SLC9C2: variants seen among roughly 807,000 people sequenced by gnomAD.
The protein encoded by SLC9C2 is solute carrier family 9 member C2 (putative).
In SLC9C2, 75 loss-of-function variants were observed where a neutral mutation model predicts 140.2. The ratio of observed to expected loss-of-function variants is 0.53; its 90% CI spans 0.44 to 0.65. The LOEUF is 0.65. Among genes scored for constraint, SLC9C2 ranks in the 30% least tolerant of loss-of-function variants. SLC9C2 has a pLI of 0.00. For missense variants in SLC9C2, 1,074 were observed against 1,331.8 expected, an observed-to-expected ratio of 0.81 and a Z score of 3.01; for synonymous variants, 375 against 420.9, an observed-to-expected ratio of 0.89 and a Z score of 1.34.
At chr1:173,560,161 C>T (rs1297380379) in intron 9 of SLC9C2, among the ~76,000 whole-genome samples, 1 of 152,190 alleles carries the variant, frequency 6.6e-6, no homozygotes, top group Non-Finnish European at 1.5e-5. Flanking sequence ...ATCATAAAAT[C>T]TTAATCCTTT....
At chr1:173,551,237 A>G (rs892550893) in intron 11 of SLC9C2, among the ~76,000 whole-genome samples, 2 of 152,192 alleles carry the variant, frequency 1.3e-5, no homozygotes, top group African/African-American at 4.8e-5. Context: ...ATGCTCTATG[A>G]GAAACCTTTT....
At chr1:173,520,580 A>G (rs1660735879) in intron 22 of SLC9C2, among the ~76,000 whole-genome samples, 1 of 152,224 alleles carries the variant, frequency 6.6e-6, no homozygotes, top group Admixed American at 6.5e-5. Flanking sequence ...GTAATGAAGC[A>G]AACATTTTGT....
intron 1 of SLC9C2, 26 bp downstream of exon 1, chr1:173,602,725 T>C (rs1405227021): frequency 3.3e-5 from 5 of 152,240 alleles, no homozygotes; most frequent in African/African-American, 1.2e-4. Flanking sequence ...GTTCCTCAAG[T>C]ATCTCCAATA....
intron 3 of SLC9C2, 97 bp downstream of exon 3, chr1:173,600,020 T>C (rs927194486): frequency 1.3e-5 from 10 of 745,060 alleles, no homozygotes; most frequent in Non-Finnish European, 2.1e-5. Context: ...GCTGTTCCCA[T>C]AAGAAAAAAC....
intron 4 of SLC9C2, 72 bp from the exon 5 acceptor site, chr1:173,587,902 TA>T: frequency 1.7e-6 from 2 of 1,189,302 alleles, no homozygotes; most frequent in Non-Finnish European, 2.4e-6. Context: ...ACTTATATCC[TA>T]AGAGTCAGAT....
chr1:173,601,792 T>A lies in SLC9C2; in HGVS notation c.-16A>T. On this transcript the variant is annotated 5_prime_UTR_variant, in exon 2 of 28. Coordinates refer to ENST00000367714, the MANE Select transcript of SLC9C2 (RefSeq NM_178527.4). ...AAGAACTCATTTTTGCTGCTGCTTT[T>A]CCCCAGACCTAACTTGATGGAGTGG... 1.2e-6 allele frequency: 2 copies of A among 1,613,654 alleles called. No homozygotes were observed. The highest frequency in any genetic ancestry group is 1.7e-6 in the Non-Finnish European group (2 of 1,179,738).
intron 9 of SLC9C2, among the ~76,000 whole-genome samples, chr1:173,571,319 T>C (rs141646249): frequency 9.9e-5 from 15 of 152,256 alleles, no homozygotes; most frequent in African/African-American, 3.4e-4. Flanking sequence ...TACCTATCTA[T>C]CCTCATCTCC....
At chr1:173,566,177 G>A (rs1041666938) in intron 9 of SLC9C2, among the ~76,000 whole-genome samples, 1 of 151,972 alleles carries the variant, frequency 6.6e-6, no homozygotes, top group Non-Finnish European at 1.5e-5. Flanking sequence ...TTGGTATCAG[G>A]GTAATACTGA....
rs141344858 is a variant in SLC9C2, at chr1:173,524,631, C to T, written c.2514+148G>A. On this transcript the variant is annotated intron_variant, in intron 20 of 27. Transcript: ENST00000367714. ...GAGTGTACCGGATTGCATCGGCATTCGTTGTCCTTTGCATTATCAAAGGCT... is the reference window on the plus strand; with the variant it reads ...GAGTGTACCGGATTGCATCGGCATTTGTTGTCCTTTGCATTATCAAAGGCT... 1,627 of 813,130 alleles carry T rather than the reference C, an allele frequency of 2.0e-3. 23 individuals carry two copies. Among genetic ancestry groups the T allele is most frequent in the Admixed American group, 7.6e-4 (28 of 36,740 alleles). 50.4% of individuals were successfully genotyped at this position (813,130 alleles called of 1,614,324 possible).
At chr1:173,554,670 C>G (rs1384666947) in intron 11 of SLC9C2, 63 bp downstream of exon 11, 1 of 1,037,466 alleles carries the variant, frequency 9.6e-7, no homozygotes, top group Admixed American at 1.9e-5. Context: ...CCCCATGACA[C>G]CCAACAATAA....
intron 13 of SLC9C2, among the ~76,000 whole-genome samples, chr1:173,541,826 A>G (rs1379707306): frequency 6.6e-6 from 1 of 152,250 alleles, no homozygotes; most frequent in Non-Finnish European, 1.5e-5. Context: ...ACAAAGACAC[A>G]ACATACCAGA....
At chr1:173,587,125 C>A (rs1031180298) in intron 5 of SLC9C2, among the ~76,000 whole-genome samples, 1 of 152,028 alleles carries the variant, frequency 6.6e-6, no homozygotes, top group African/African-American at 2.4e-5. Context: ...ACTCCAAATC[C>A]TCTTGGGAAT....
At chr1:173,518,874 T>G (rs1399144045) in intron 22 of SLC9C2, among the ~76,000 whole-genome samples, 6 of 152,194 alleles carry the variant, frequency 3.9e-5, no homozygotes, top group Admixed American at 3.3e-4. Context: ...GAAAAGATGA[T>G]GGCATTTGAG....
At chr1:173,559,280 C>A (rs1199593298) in intron 9 of SLC9C2, among the ~76,000 whole-genome samples, 2 of 152,172 alleles carry the variant, frequency 1.3e-5, no homozygotes, top group Non-Finnish European at 2.9e-5. Flanking sequence ...CCAAGATGCT[C>A]CCCCTGCCCT....
chr1:173,558,015 T>A (rs1322550824), intron 9 of SLC9C2, among the ~76,000 whole-genome samples: 1 of 152,236 alleles, frequency 6.6e-6, no homozygotes, highest in Non-Finnish European at 1.5e-5. Context: ...ATTTGTGCCT[T>A]CTTGCCCTCC....
At chr1:173,505,190 A>G (rs1659547459) in intron 26 of SLC9C2, 57 bp downstream of exon 26, 2 of 1,369,700 alleles carry the variant, frequency 1.5e-6, no homozygotes, top group Non-Finnish European at 2.1e-6. Flanking sequence ...AAGGAATTTT[A>G]CATGTATTGA....
At chr1:173,557,586 A>G in intron 9 of SLC9C2, 78 bp from the exon 10 acceptor site, 1 of 1,322,398 alleles carries the variant, frequency 7.6e-7, no homozygotes, top group Non-Finnish European at 1.0e-6. Context: ...AGTACTAAAT[A>G]CTAAATTTAA....
intron 9 of SLC9C2, chr1:173,571,724 A>G (rs1313710069): frequency 6.6e-6 from 1 of 152,208 alleles, no homozygotes; most frequent in African/African-American, 2.4e-5. Context: ...AGGTGTCCTA[A>G]GTGCCTGGAA....
At chr1:173,578,846 C>A (rs1267292430) in intron 7 of SLC9C2, among the ~76,000 whole-genome samples, 1 of 152,170 alleles carries the variant, frequency 6.6e-6, no homozygotes, top group African/African-American at 2.4e-5. Context: ...GGATTAGGAC[C>A]CACCCTAATG....
Sources: allele counts gnomAD v4.1 joint callset (sites outside exome capture counted in the v4.1 genomes callset), GRCh38; gene constraint gnomAD v4.1.1; transcripts MANE v1.5; gene names NCBI Gene and HGNC (gene_info 2026-07-23, HGNC 2026-07-21).